Variants in HDAC9 observed in about 807,000 individuals in gnomAD.
The protein encoded by HDAC9 is MEF-2 interacting transcription repressor (MITR) protein.
A neutral mutation model predicts 139.4 loss-of-function variants in HDAC9; 41 were observed. That is an observed-to-expected ratio of 0.29 (90% CI 0.23 to 0.38). HDAC9 has a LOEUF of 0.38. Among genes scored for constraint, HDAC9 ranks in the 10% least tolerant of loss-of-function variants. The pLI, the probability that HDAC9 is intolerant of heterozygous loss-of-function variation, is 1.00. For synonymous variants in HDAC9, 517 were observed against 476.2 expected (o/e 1.09, Z -1.12); for missense variants, 1,147 against 1,297.0 (o/e 0.88, Z 1.78).
At chr7:18,155,077 C>T (rs1033010700) in intron 1 of HDAC9, among the ~76,000 whole-genome samples, 25 of 141,102 alleles carry the variant, frequency 1.8e-4, no homozygotes, top group Admixed American at 4.1e-4. Context: ...AGCTTTTTTT[C>T]TTTCTTTCTT....
intron 12 of HDAC9, among the ~76,000 whole-genome samples, chr7:18,671,174 C>T (rs975541803): frequency 6.6e-6 from 1 of 151,912 alleles, no homozygotes. Flanking sequence ...ATCAAGGACA[C>T]GCTTGATAAT....
chr7:18,426,022 C>G (rs1790082075), intron 1 of HDAC9, among the ~76,000 whole-genome samples: 1 of 152,162 alleles, frequency 6.6e-6, no homozygotes, highest in Non-Finnish European at 1.5e-5. Flanking sequence ...GGAATAGACT[C>G]TTCATAACAT....
intron 1 of HDAC9, among the ~76,000 whole-genome samples, chr7:18,465,003 T>G (rs1162821678): frequency 6.6e-6 from 1 of 152,072 alleles, no homozygotes; most frequent in East Asian, 1.9e-4. Flanking sequence ...TCTTGTATGT[T>G]TGGGATATTT....
At chr7:18,801,791 A>T (rs1223678912) in intron 17 of HDAC9, among the ~76,000 whole-genome samples, 1 of 152,030 alleles carries the variant, frequency 6.6e-6, no homozygotes, top group African/African-American at 2.4e-5. Context: ...TTTTTGAGTC[A>T]ATTTAGGAGT....
intron 1 of HDAC9, among the ~76,000 whole-genome samples, chr7:18,482,992 T>C (rs1795697808): frequency 1.3e-5 from 2 of 152,234 alleles, no homozygotes; most frequent in South Asian, 4.1e-4. Context: ...AGTACTGCTC[T>C]GAAGTGTGAC....
intron 21 of HDAC9, among the ~76,000 whole-genome samples, chr7:18,840,998 T>C (rs1336209875): frequency 6.6e-6 from 1 of 152,106 alleles, no homozygotes; most frequent in African/African-American, 2.4e-5. Context: ...AAGTGCTCCT[T>C]GGACAAGTCA....
At chr7:18,985,153 A>C (rs572215956) in intron 25 of HDAC9, among the ~76,000 whole-genome samples, 2 of 152,090 alleles carry the variant, frequency 1.3e-5, no homozygotes, top group Admixed American at 6.6e-5. Context: ...TACATGTGCC[A>C]TGCTGGTGCG....
intron 10 of HDAC9, among the ~76,000 whole-genome samples, 192 bp from the exon 11 acceptor site, chr7:18,648,274 T>G (rs886886493): frequency 6.6e-6 from 1 of 152,124 alleles, no homozygotes; most frequent in African/African-American, 2.4e-5. Flanking sequence ...GCCTTGACAT[T>G]TCTCTCTTCC....
At chr7:18,992,806 G>C (rs937904097) in intron 25 of HDAC9, among the ~76,000 whole-genome samples, 1 of 152,110 alleles carries the variant, frequency 6.6e-6, no homozygotes, top group South Asian at 2.1e-4. Context: ...AAAACTATCA[G>C]TGTTCACTGT....
At chr7:18,311,822 G>A (rs1799338024) in intron 1 of HDAC9, among the ~76,000 whole-genome samples, 1 of 152,178 alleles carries the variant, frequency 6.6e-6, no homozygotes, top group Admixed American at 6.5e-5. Flanking sequence ...CTGTAGACTG[G>A]CGTTAGAGCT....
chr7:18,847,694 C>G (rs142181012), intron 21 of HDAC9, among the ~76,000 whole-genome samples: 2 of 152,200 alleles, frequency 1.3e-5, no homozygotes, highest in African/African-American at 2.4e-5. Flanking sequence ...GAAGTCTCCC[C>G]CTGAGGGGTC....
intron 11 of HDAC9, 104 bp from the exon 12 acceptor site, chr7:18,666,109 A>C: frequency 4.1e-6 from 5 of 1,215,122 alleles, no homozygotes; most frequent in Non-Finnish European, 4.6e-6. Context: ...ATGTTCAATG[A>C]TTAGAAATCA....
At chr7:18,524,506 T>G (rs1266182691) in intron 2 of HDAC9, among the ~76,000 whole-genome samples, 1 of 152,190 alleles carries the variant, frequency 6.6e-6, no homozygotes, top group Non-Finnish European at 1.5e-5. Context: ...TCATACAACA[T>G]GTACAAAAGT....
intron 1 of HDAC9, among the ~76,000 whole-genome samples, chr7:18,309,891 A>G (rs897485911): frequency 1.3e-5 from 2 of 152,202 alleles, no homozygotes; most frequent in African/African-American, 2.4e-5. Context: ...GTTGCAAAGG[A>G]TGAAATCCAG....
At chr7:18,152,054 C>T (rs1786819779) in intron 1 of HDAC9, among the ~76,000 whole-genome samples, 1 of 151,986 alleles carries the variant, frequency 6.6e-6, no homozygotes, top group African/African-American at 2.4e-5. Context: ...TACCTCTAAT[C>T]ACAGTGAGAA....
intron 1 of HDAC9, among the ~76,000 whole-genome samples, chr7:18,423,622 G>A (rs1381388064): frequency 1.3e-5 from 2 of 152,228 alleles, no homozygotes; most frequent in Admixed American, 6.5e-5. Context: ...ATGGCATTTA[G>A]TGGAGGCTTG....
At chr7:18,131,198 T>C (rs764435432) in intron 1 of HDAC9, among the ~76,000 whole-genome samples, 3 of 152,178 alleles carry the variant, frequency 2.0e-5, no homozygotes, top group Admixed American at 2.0e-4. Context: ...ATGGTATGTG[T>C]AAAGAACACA....
chr7:18,115,146 A>G (rs1178581374), intron 1 of HDAC9, among the ~76,000 whole-genome samples: 1 of 152,150 alleles, frequency 6.6e-6, no homozygotes, highest in Admixed American at 6.5e-5. Context: ...AAAAAAAATT[A>G]GCTGGGCTTG....
chr7:18,877,521 A>G (rs1169495045), intron 22 of HDAC9, among the ~76,000 whole-genome samples: 1 of 152,202 alleles, frequency 6.6e-6, no homozygotes, highest in East Asian at 1.9e-4. Context: ...TCCTGCTCCA[A>G]GTAGAATATT....
Sources: gnomAD v4.1 joint callset for allele counts (sites outside exome capture counted in the v4.1 genomes callset) on GRCh38, gnomAD v4.1.1 for gene constraint, MANE v1.5 for transcripts, NCBI Gene and HGNC (gene_info 2026-07-23, HGNC 2026-07-21) for gene names.